The following PI4KA variants were observed in gnomAD, a reference collection of about 807,000 sequenced individuals.
PI4KA encodes the protein PI4-kinase alpha.
PI4KA carries 122 observed loss-of-function variants against 271.4 expected under a neutral mutation model. The observed-to-expected ratio is 0.45, with a 90% CI of 0.39 to 0.52. PI4KA has a LOEUF of 0.52. Among genes scored for constraint, PI4KA ranks in the 20% least tolerant of loss-of-function variants. The pLI is 0.00. For missense variants in PI4KA, 1,969 were observed against 2,769.1 expected, an observed-to-expected ratio of 0.71 and a Z score of 6.48; for synonymous variants, 1,041 against 1,078.8, an observed-to-expected ratio of 0.96 and a Z score of 0.69.
intron 12 of PI4KA, among the ~76,000 whole-genome samples, chr22:20,803,733 T>C (rs114145481): frequency 1.6e-3 from 245 of 152,268 alleles, no homozygotes; most frequent in African/African-American, 5.5e-3. Flanking sequence ...AGTCTCACTA[T>C]GTTGCCCAGG....
chr22:20,710,911 G>C (rs1233961017), intron 51 of PI4KA, 53 bp from the exon 52 acceptor site: 1 of 1,602,254 alleles, frequency 6.2e-7, no homozygotes, highest in Non-Finnish European at 8.5e-7. Flanking sequence ...GGGCGGGCAA[G>C]GACAAGTGGT....
chr22:20,756,794 C>A (rs925752664), intron 23 of PI4KA, among the ~76,000 whole-genome samples: 9 of 151,982 alleles, frequency 5.9e-5, no homozygotes, highest in Non-Finnish European at 1.3e-4. Context: ...TCACACCCAG[C>A]TAATTTTTGT....
At chr22:20,790,695 AACAAAC>A (rs1391653476) in intron 19 of PI4KA, among the ~76,000 whole-genome samples, 16 of 92,364 alleles carry the variant, frequency 1.7e-4, no homozygotes, top group East Asian at 3.0e-4. Flanking sequence ...ATTTAAAAAA[AACAAAC>A]ACACACACAC....
rs1377995502 is a variant in PI4KA at position 20,813,429 on chromosome 22, G to A, written c.934C>T (p.Pro312Ser). The A allele has an allele frequency of 1.1e-5, 18 of 1,613,488 alleles. No homozygotes were observed. Among genetic ancestry groups the A allele is most frequent in the East Asian group, 2.2e-5 (1 of 44,868 alleles). ...STISSSFSVSPLFNGVTYKEF... is the reference protein window; with the variant it reads ...STISSSFSVSSLFNGVTYKEF... Reference sequence around the variant, plus strand: ...TTATATGTGACACCGTTGAAAAGGGGAGAGACTGAGAAGCTGGAGCTGATG... The same window carrying A: ...TTATATGTGACACCGTTGAAAAGGGAAGAGACTGAGAAGCTGGAGCTGATG... The change falls in exon 8 of 55, where the codon CCC becomes TCC. Residue 312 changes from proline (P) to serine (S), a missense_variant. Coordinates refer to ENST00000255882, the MANE Select transcript of PI4KA (RefSeq NM_058004.4).
chr22:20,842,906 C>T (rs1230066018), intron 1 of PI4KA, among the ~76,000 whole-genome samples: 1 of 151,238 alleles, frequency 6.6e-6, no homozygotes, highest in Admixed American at 6.6e-5. Flanking sequence ...ATCAGGAGAT[C>T]GAGACCACAG....
At chr22:20,811,621 A>C (rs1921024241) in intron 8 of PI4KA, among the ~76,000 whole-genome samples, 1 of 151,940 alleles carries the variant, frequency 6.6e-6, no homozygotes, top group African/African-American at 2.4e-5. Context: ...AAAAAAAAAA[A>C]AACTGCCCAC....
rs774005762 is a variant in PI4KA, at chr22:20,761,317, C to G, written c.2778G>C (p.Gln926His). The G allele has an allele frequency of 2.5e-6, 4 of 1,604,018 alleles. No individual in the cohort carries two copies. In the South Asian group the frequency reaches 4.4e-5, roughly 18 times the overall value. Residue 926 changes from glutamine (Q) to histidine (H), a missense_variant, in exon 23 of 55, where the codon CAG becomes CAC. Physicochemically the swap from Gln to His is conservative, Grantham distance 24. Coordinates refer to ENST00000255882, the MANE Select transcript of PI4KA (RefSeq NM_058004.4). Reference protein sequence around the residue: ...MFCYFEDKAIQKDKSGMMQCV... With the variant: ...MFCYFEDKAIHKDKSGMMQCV... ...TAATGAGCTTACCAGATTTGTCTTT[C>G]TGAATAGCTTTATCCTCAAAGTAGC... is the stretch of plus-strand genomic sequence containing the variant.
chr22:20,813,349 TTTGC>T lies in PI4KA; in HGVS notation c.1005+5_1005+8del, dbSNP rs756676370. Reference sequence around the variant, plus strand: ...CCATGGTCTGTTCATCCATCAGTTCTTTGCTTACCAGGTTTAAGAGTTCCCGAAG... The same window carrying T: ...CCATGGTCTGTTCATCCATCAGTTCTTTACCAGGTTTAAGAGTTCCCGAAG... On this transcript the variant is annotated splice_donor_5th_base_variant and intron_variant, in intron 8 of 54. Transcript: ENST00000255882. 1.9e-6 allele frequency: 3 copies of T among 1,610,536 alleles called. No individual in the cohort carries two copies. In the South Asian group the frequency reaches 3.3e-5, roughly 18 times the overall value.
At chr22:20,717,359 A>G (rs1244718179) in intron 45 of PI4KA, among the ~76,000 whole-genome samples, 4 of 152,232 alleles carry the variant, frequency 2.6e-5, no homozygotes, top group African/African-American at 9.6e-5. Flanking sequence ...GCCGTCCCAC[A>G]CTGGGCCCGC....
At chr22:20,813,244 A>C (rs1293335501) in intron 8 of PI4KA, 114 bp downstream of exon 8, 8 of 765,850 alleles carry the variant, frequency 1.0e-5, no homozygotes, top group Non-Finnish European at 1.8e-5. Context: ...ATGACTATTA[A>C]ATTGTACTTT....
At chr22:20,851,458 C>T (rs1276401207) in intron 1 of PI4KA, among the ~76,000 whole-genome samples, 4 of 152,134 alleles carry the variant, frequency 2.6e-5, no homozygotes. Context: ...CTGTCTTAGC[C>T]TCCCAAGTAG....
At chr22:20,724,997 A>T (rs1048474360) in intron 42 of PI4KA, among the ~76,000 whole-genome samples, 8 of 152,170 alleles carry the variant, frequency 5.3e-5, no homozygotes, top group African/African-American at 1.7e-4. Flanking sequence ...AGGCGCAGAG[A>T]GTGTGGCACT....
At chr22:20,837,416 T>A (rs1325765208) in intron 2 of PI4KA, among the ~76,000 whole-genome samples, 3 of 152,160 alleles carry the variant, frequency 2.0e-5, no homozygotes. Context: ...AAATGTAGCT[T>A]ATGTATCTAA....
At chr22:20,763,085 G>A (rs1932164249) in intron 22 of PI4KA, among the ~76,000 whole-genome samples, 1 of 147,208 alleles carries the variant, frequency 6.8e-6, no homozygotes, top group Non-Finnish European at 1.5e-5. Context: ...GGGCTCAAGT[G>A]ATCCTCCCAC....
At chr22:20,740,061 CAAAAAAAAAAAA>C (rs59323542) in intron 32 of PI4KA, among the ~76,000 whole-genome samples, 2 of 73,372 alleles carry the variant, frequency 2.7e-5, no homozygotes, top group Admixed American at 1.7e-4. Flanking sequence ...GACCCCATCT[CAAAAAAAAAAAA>C]AAAAAAAAAA....
At chr22:20,846,279 A>AAAAAG (rs1569097533) in intron 1 of PI4KA, among the ~76,000 whole-genome samples, 1 of 151,080 alleles carries the variant, frequency 6.6e-6, no homozygotes, top group African/African-American at 2.4e-5. Flanking sequence ...AAAAAAAAAA[A>AAAAAG]AAAAGAAAAG....
chr22:20,843,269 T>C (rs921645954), intron 1 of PI4KA, among the ~76,000 whole-genome samples: 15 of 152,142 alleles, frequency 9.9e-5, no homozygotes, highest in African/African-American at 3.6e-4. Context: ...GCAGGAGGGC[T>C]GCTTGAGCCC....
At chr22:20,740,117 GTTTC>G (rs1399367513) in intron 32 of PI4KA, among the ~76,000 whole-genome samples, 1 of 141,294 alleles carries the variant, frequency 7.1e-6, no homozygotes, top group Non-Finnish European at 1.5e-5. Context: ...ATCTGGAATT[GTTTC>G]TTTTTCTTAT....
intron 19 of PI4KA, among the ~76,000 whole-genome samples, chr22:20,770,003 G>T (rs1017676292): frequency 1.3e-5 from 2 of 152,104 alleles, no homozygotes; most frequent in Non-Finnish European, 2.9e-5. Flanking sequence ...TAGGTTGTGG[G>T]TGTATGGATA....
Sources: allele counts gnomAD v4.1 joint callset (sites outside exome capture counted in the v4.1 genomes callset), GRCh38; gene constraint gnomAD v4.1.1; transcripts MANE v1.5; gene names NCBI Gene and HGNC (gene_info 2026-07-23, HGNC 2026-07-21).